GMDS: variants seen among roughly 807,000 people sequenced by gnomAD.
GMDS encodes the protein GDP-mannose 4,6 dehydratase.
In GMDS, 20 loss-of-function variants were observed where a neutral mutation model predicts 49.9. That is an observed-to-expected ratio of 0.40 (90% CI 0.28 to 0.58). The LOEUF (loss-of-function observed/expected upper bound fraction) is 0.58. Ranked by LOEUF, GMDS falls within the 20% of genes least tolerant of loss-of-function variation. The probability of loss-of-function intolerance (pLI) is 0.42; values close to 1 mark genes in which losing one functional copy is unlikely to be tolerated. For missense variants in GMDS, 362 were observed against 481.4 expected (o/e 0.75, Z 2.32); for synonymous variants, 177 against 178.6 (o/e 0.99, Z 0.07).
intron 9 of GMDS, among the ~76,000 whole-genome samples, chr6:1,685,221 AC>A (rs11323066): frequency 0.88 from 133,774 of 151,670 alleles, 59,243 homozygotes; most frequent in Middle Eastern, 0.95. Context: ...ACATGGTGAG[AC>A]CCCCGTCTCT....
At chr6:2,093,931 G>A (rs1184597347) in intron 4 of GMDS, among the ~76,000 whole-genome samples, 1 of 152,176 alleles carries the variant, frequency 6.6e-6, no homozygotes, top group Non-Finnish European at 1.5e-5. Flanking sequence ...TGCTTATGGT[G>A]GGAGACAGAT....
At chr6:1,935,650 T>C (rs1010112443) in intron 6 of GMDS, among the ~76,000 whole-genome samples, 4 of 152,294 alleles carry the variant, frequency 2.6e-5, no homozygotes, top group South Asian at 2.1e-4. Context: ...TTGAATGACT[T>C]TGGCTTTCAA....
Position 1,640,579 on chromosome 6 carries a change from C to T in GMDS, c.988-16039G>A, listed in dbSNP as rs187944339. On this transcript the variant is annotated intron_variant, in intron 9 of 10. Transcript: ENST00000380815. This position sits in a 1 kb window ranked among gnomAD's most constrained non-coding sequence, Gnocchi z 4.0. ...GATGTGGCTGTGCCTTCTAGGTGCC[C>T]GTTTTGGAGAGAATACATTTCTTAT... Among the ~76,000 whole-genome samples the T allele has an allele frequency of 3.9e-5, 6 of 152,258 alleles. No individual in the cohort carries two copies. The highest frequency in any genetic ancestry group is 1.3e-4 in the Admixed American group (2 of 15,290).
At chr6:1,687,989 G>A (rs1485962319) in intron 9 of GMDS, among the ~76,000 whole-genome samples, 8 of 152,168 alleles carry the variant, frequency 5.3e-5, no homozygotes, top group African/African-American at 1.2e-4. Flanking sequence ...TCTCACTTAC[G>A]TAAAAAGTGC....
intron 4 of GMDS, among the ~76,000 whole-genome samples, chr6:1,967,881 T>C (rs1764358122): frequency 6.6e-6 from 1 of 152,226 alleles, no homozygotes; most frequent in South Asian, 2.1e-4. Flanking sequence ...ATAGCCTTTC[T>C]TAAAGGAAAC....
intron 7 of GMDS, among the ~76,000 whole-genome samples, chr6:1,834,396 G>A (rs1756827145): frequency 6.6e-6 from 1 of 152,126 alleles, no homozygotes; most frequent in South Asian, 2.1e-4. Flanking sequence ...GTTACCAAAT[G>A]TCAGAGGCAC....
chr6:1,701,673 G>A (rs867945790), intron 9 of GMDS, among the ~76,000 whole-genome samples: 6 of 151,948 alleles, frequency 3.9e-5, no homozygotes, highest in South Asian at 2.1e-4. Context: ...ATTTTCCAAC[G>A]TTAATCCATT....
chr6:2,078,019 G>C lies in GMDS; in HGVS notation c.345+37752C>G, dbSNP rs545855427. ...CCAGATTCAAGCTTGGTAGATGGTA[G>C]GTGTCCAGGAAATTATCCATTTCCT... On this transcript the variant is annotated intron_variant, in intron 4 of 10. Transcript: ENST00000380815. Among the ~76,000 whole-genome samples, 103 of 152,108 alleles carry C rather than the reference G, an allele frequency of 6.8e-4. 1 individual carries two copies. Among genetic ancestry groups the C allele is most frequent in the African/African-American group, 2.4e-3 (100 of 41,542 alleles).
intron 7 of GMDS, among the ~76,000 whole-genome samples, chr6:1,860,516 T>C (rs914437524): frequency 5.3e-4 from 80 of 152,186 alleles, no homozygotes; most frequent in African/African-American, 1.9e-3. Context: ...TTGTGCAAGA[T>C]GGATTGTTCT....
intron 8 of GMDS, among the ~76,000 whole-genome samples, chr6:1,734,007 G>A (rs937943967): frequency 6.6e-5 from 10 of 152,164 alleles, no homozygotes; most frequent in African/African-American, 1.7e-4. Context: ...AAAGGAGGGC[G>A]GGTGCCGTTT....
At chr6:1,631,177 G>A (rs1029575166) in intron 9 of GMDS, among the ~76,000 whole-genome samples, 4 of 152,104 alleles carry the variant, frequency 2.6e-5, no homozygotes, top group Admixed American at 6.6e-5. Context: ...TGCCACTTAG[G>A]GCTTTCTACC....
chr6:2,003,747 G>A (rs761969515), intron 4 of GMDS, among the ~76,000 whole-genome samples: 4 of 152,120 alleles, frequency 2.6e-5, no homozygotes, highest in Non-Finnish European at 4.4e-5. Context: ...GGATAAAATC[G>A]TCTCAGAAAT....
intron 7 of GMDS, among the ~76,000 whole-genome samples, chr6:1,775,696 G>A (rs181085742): frequency 2.0e-5 from 3 of 152,312 alleles, no homozygotes; most frequent in Admixed American, 1.3e-4. Context: ...TAGTTTCCAT[G>A]TTGCTGTGAA....
chr6:2,067,793 T>C (rs201070013), intron 4 of GMDS, among the ~76,000 whole-genome samples: 1 of 151,972 alleles, frequency 6.6e-6, no homozygotes, highest in South Asian at 2.1e-4. Flanking sequence ...AACCAAAAAG[T>C]GTCCAGGACC....
intron 1 of GMDS, among the ~76,000 whole-genome samples, chr6:2,183,870 A>G (rs1778662378): frequency 6.6e-6 from 1 of 152,240 alleles, no homozygotes; most frequent in Non-Finnish European, 1.5e-5. Flanking sequence ...TCAGATGATC[A>G]CTGGCATTCT....
chr6:1,680,023 C>T (rs1234729718), intron 9 of GMDS: 1 of 152,220 alleles, frequency 6.6e-6, no homozygotes, highest in Non-Finnish European at 1.5e-5. Flanking sequence ...GCCATAGCCA[C>T]ATTGAACAAA....
chr6:1,934,311 A>AT (rs1187056984), intron 6 of GMDS, among the ~76,000 whole-genome samples: 1 of 152,224 alleles, frequency 6.6e-6, no homozygotes, highest in African/African-American at 2.4e-5. Flanking sequence ...ATTAGGAAGT[A>AT]TGAGTTCTCC....
chr6:1,911,047 G>A (rs983263122), intron 7 of GMDS, among the ~76,000 whole-genome samples: 5 of 152,178 alleles, frequency 3.3e-5, no homozygotes, highest in African/African-American at 1.2e-4. Flanking sequence ...CTACAGTCAG[G>A]GAAAGATGGA....
chr6:1,816,522 C>T (rs906253508), intron 7 of GMDS, among the ~76,000 whole-genome samples: 22 of 152,078 alleles, frequency 1.4e-4, no homozygotes, highest in Admixed American at 1.1e-3. Flanking sequence ...TTCTAAAATA[C>T]GGATATTATC....
Sources: gnomAD v4.1 joint callset for allele counts (sites outside exome capture counted in the v4.1 genomes callset) on GRCh38, gnomAD v4.1.1 for gene constraint, Gnocchi (gnomAD v3.1) non-coding constraint, MANE v1.5 for transcripts, NCBI Gene and HGNC (gene_info 2026-07-23, HGNC 2026-07-21) for gene names.